The following USP26 variants were observed in gnomAD, a reference collection of about 807,000 sequenced individuals.
USP26 encodes ubiquitin carboxyl-terminal hydrolase 26.
For synonymous variants in USP26, 236 were observed against 240.6 expected (o/e 0.98, Z 0.18); for missense variants, 649 against 642.3 (o/e 1.01, Z -0.11).
chrX:133,086,913 CAA>C (rs34814339), intron 4 of USP26, among the ~76,000 whole-genome samples: 1,557 of 50,501 alleles, frequency 0.031, 18 homozygotes, highest in East Asian at 0.15. Context: ...GACTCTGCCT[CAA>C]AAAAAAAAAA....
rs200947495 is a variant in USP26, at chrX:133,066,219, CAG to C, written c.-77+17486_-77+17487del. Among the ~76,000 whole-genome samples, 501 of 111,245 alleles carry C rather than the reference CAG, an allele frequency of 4.5e-3. 2 individuals are homozygous for C. Among genetic ancestry groups the C allele is most frequent in the South Asian group, 7.6e-3 (20 of 2,646 alleles). ...ACTACAAACCGCTGTTCAAGGAAAT[CAG>C]AGAGGACACAAATAAATGGAAAAAA... is the stretch of plus-strand genomic sequence containing the variant. On this transcript the variant is annotated intron_variant, in intron 5 of 5. Transcript: ENST00000511190.
intron 5 of USP26, among the ~76,000 whole-genome samples, chrX:133,063,969 T>C (rs2067503079): frequency 8.9e-6 from 1 of 112,154 alleles, no homozygotes; most frequent in South Asian, 3.7e-4. Context: ...ATTGGTATGC[T>C]GTAATCAGAA....
At chrX:133,052,291 C>T (rs1461870954) in intron 5 of USP26, among the ~76,000 whole-genome samples, 2 of 111,807 alleles carry the variant, frequency 1.8e-5, no homozygotes, top group African/African-American at 3.3e-5. Context: ...ATCAGTTACA[C>T]ACTTAGAGAG....
intron 5 of USP26, among the ~76,000 whole-genome samples, chrX:133,076,688 G>C (rs931396198): frequency 8.9e-6 from 1 of 112,043 alleles, no homozygotes; most frequent in Non-Finnish European, 1.9e-5. Context: ...GCTGTCCAAT[G>C]GAGAAGCCCA....
At chrX:133,088,482 C>T (rs1395549549) in intron 4 of USP26, among the ~76,000 whole-genome samples, 1 of 111,188 alleles carries the variant, frequency 9.0e-6, no homozygotes, top group East Asian at 2.8e-4. Context: ...TTTGCTCGCC[C>T]GGCTGCTTAC....
At chrX:133,085,768 G>A (rs1356939108) in intron 4 of USP26, among the ~76,000 whole-genome samples, 2 of 111,440 alleles carry the variant, frequency 1.8e-5, no homozygotes, top group Non-Finnish European at 3.8e-5. Flanking sequence ...GAATGAGAAA[G>A]CATAGATTTA....
At chrX:133,096,864 C>G (rs1157979720) in intron 1 of USP26, among the ~76,000 whole-genome samples, 166 bp downstream of exon 1, 1 of 112,126 alleles carries the variant, frequency 8.9e-6, no homozygotes, top group Non-Finnish European at 1.9e-5. Context: ...CACTGCACTA[C>G]AGCCTGGATG....
At chrX:133,072,966 T>G (rs1421098107) in intron 5 of USP26, among the ~76,000 whole-genome samples, 1 of 112,275 alleles carries the variant, frequency 8.9e-6, no homozygotes, top group Non-Finnish European at 1.9e-5. Flanking sequence ...TACAGTTTTC[T>G]GAAAAAGTAT....
intron 5 of USP26, among the ~76,000 whole-genome samples, chrX:133,068,724 C>G (rs977196254): frequency 2.7e-5 from 3 of 112,320 alleles, no homozygotes; most frequent in Non-Finnish European, 5.6e-5. Context: ...TCTGGAGATT[C>G]CAATCAGCAC....
chrX:133,068,746 T>A lies in USP26; in HGVS notation c.-77+14961A>T, dbSNP rs1217417976. Among the ~76,000 whole-genome samples the A allele has an allele frequency of 5.3e-5, 6 of 112,381 alleles. No individual in the cohort carries two copies. The East Asian group carries it at 1.7e-3, about 31-fold the overall frequency. On this transcript the variant is annotated intron_variant, in intron 5 of 5. Transcript: ENST00000511190. Reference sequence around the variant, plus strand: ...ATTCCAATCAGCACAAAACACAACATTGCAGGAAAATTCTAAAGAACTTGT... The same window carrying A: ...ATTCCAATCAGCACAAAACACAACAATGCAGGAAAATTCTAAAGAACTTGT...
chrX:133,056,246 T>C (rs1002512293), intron 5 of USP26, among the ~76,000 whole-genome samples: 1 of 111,666 alleles, frequency 9.0e-6, no homozygotes, highest in Non-Finnish European at 1.9e-5. Context: ...TGTGGATGTC[T>C]GGATCCTCCT....
At chrX:133,040,465 G>T (rs990310535) in intron 5 of USP26, among the ~76,000 whole-genome samples, 16 of 111,520 alleles carry the variant, frequency 1.4e-4, no homozygotes, top group African/African-American at 4.9e-4. Flanking sequence ...AGTTTGGCTG[G>T]ATATGAAATT....
Position 133,027,471 on chromosome X carries a change from A to G in USP26, c.750T>C (p.Asp250=). The G allele has an allele frequency of 8.3e-7, 1 of 1,210,572 alleles. No homozygotes were observed. The highest frequency in any genetic ancestry group is 1.1e-6 in the Non-Finnish European group (1 of 894,213). Residue 250 remains aspartate (D), a synonymous_variant, in exon 6 of 6, where the codon GAT becomes GAC. Transcript: ENST00000511190. ...TGAGAGCTTGGAGAAGACCAATGTC[A>G]TCTAGGTAAGGATTTCCAGTGGCGT... is the stretch of plus-strand genomic sequence containing the variant. ...IMNATGNPYL[D]DIGLLQALTE... is the part of the protein sequence containing the mutation.
intron 5 of USP26, among the ~76,000 whole-genome samples, chrX:133,040,650 A>G (rs774032280): frequency 9.0e-6 from 1 of 111,068 alleles, no homozygotes; most frequent in South Asian, 3.9e-4. Context: ...AACCTTGGAG[A>G]ATCTGACGAT....
chrX:133,028,362 T>C, intron 5 of USP26, 66 bp from the exon 6 acceptor site: 1 of 745,465 alleles, frequency 1.3e-6, no homozygotes, highest in Non-Finnish European at 2.0e-6. Context: ...ATTTCTAGTA[T>C]TGGTTTTATA....
chrX:133,079,538 G>A (rs1447791789), intron 5 of USP26, among the ~76,000 whole-genome samples: 1 of 111,835 alleles, frequency 8.9e-6, no homozygotes, highest in East Asian at 2.8e-4. Flanking sequence ...GGGAATAAAA[G>A]ATCTTGAAGA....
At position 133,023,897 on chromosome X, in the gene USP26, G is replaced by A. The variant is rs760328138; in HGVS notation, c.*1582C>T. Among the ~76,000 whole-genome samples the A allele has an allele frequency of 8.1e-5, 9 of 111,700 alleles. No homozygotes were observed. The highest frequency in any genetic ancestry group is 1.7e-4 in the Non-Finnish European group (9 of 53,087). On this transcript the variant is annotated 3_prime_UTR_variant, in exon 6 of 6. Transcript: ENST00000511190. ...ACTGAAGCCATACCCCATATACAAG[G>A]GGGCATATTCCTATTGGTAAAGGTG...
At chrX:133,039,127 T>C (rs1462475416) in intron 5 of USP26, among the ~76,000 whole-genome samples, 2 of 111,459 alleles carry the variant, frequency 1.8e-5, no homozygotes, top group African/African-American at 6.5e-5. Context: ...CTGGACTCAT[T>C]GATTTTTTTT....
At chrX:133,039,920 G>A (rs1479768869) in intron 5 of USP26, among the ~76,000 whole-genome samples, 1 of 111,451 alleles carries the variant, frequency 9.0e-6, no homozygotes, top group Non-Finnish European at 1.9e-5. Flanking sequence ...TCTTCTTGTT[G>A]CATTGATCCC....
Sources: allele counts gnomAD v4.1 joint callset (sites outside exome capture counted in the v4.1 genomes callset), GRCh38; gene constraint gnomAD v4.1.1; transcripts MANE v1.5; gene names NCBI Gene and HGNC (gene_info 2026-07-23, HGNC 2026-07-21).